The following BRD3 variants were observed in gnomAD, a reference collection of about 807,000 sequenced individuals.
The protein encoded by BRD3 is bromodomain containing 3, also known as bromodomain-containing protein 3.
Under a neutral mutation model 66.8 loss-of-function variants are expected in BRD3, and 17 were observed. That is an observed-to-expected ratio of 0.25 (90% CI 0.17 to 0.38). The LOEUF (loss-of-function observed/expected upper bound fraction) is 0.38. Among genes scored for constraint, BRD3 ranks in the 10% least tolerant of loss-of-function variants. The probability of loss-of-function intolerance (pLI) is 1.00; values close to 1 mark genes in which losing one functional copy is unlikely to be tolerated. For missense variants in BRD3, 713 were observed against 956.1 expected (o/e 0.75, Z 3.35); for synonymous variants, 421 against 393.2 (o/e 1.07, Z -0.84).
chr9:134,067,566 T>C (rs1291790126), intron 1 of BRD3, among the ~76,000 whole-genome samples: 12 of 147,056 alleles, frequency 8.2e-5, no homozygotes, highest in African/African-American at 2.7e-4. Context: ...AAAAAATCCC[T>C]TCCGTGAGGG....
chr9:134,050,458 C>T lies in BRD3; in HGVS notation c.630G>A (p.Ser210=), dbSNP rs779337952. 14 of 1,611,968 alleles carry T rather than the reference C, an allele frequency of 8.7e-6. No homozygotes were observed. Among genetic ancestry groups the T allele is most frequent in the South Asian group, 4.4e-5 (4 of 90,904 alleles). The change falls in exon 5 of 12, where the codon TCG becomes TCA. Residue 210 remains serine (S), a synonymous_variant. Transcript: ENST00000303407. ...GGGCGGCAGCTGGGGGGACTGGGAC[C>T]GACGTGACGTTTGCAGTGATGGTTG... is the stretch of plus-strand genomic sequence containing the variant. The part of the protein sequence containing the change: ...PVPTITANVT[S]VPVPPAAAPP...
intron 1 of BRD3, among the ~76,000 whole-genome samples, chr9:134,065,249 C>A (rs1830626278): frequency 1.3e-5 from 2 of 152,106 alleles, no homozygotes; most frequent in South Asian, 4.1e-4. Context: ...ACAGTGAAAC[C>A]CTGTCTCTAC....
intron 9 of BRD3, among the ~76,000 whole-genome samples, 189 bp downstream of exon 9, chr9:134,039,845 G>C (rs551355393): frequency 6.6e-6 from 1 of 152,176 alleles, no homozygotes; most frequent in East Asian, 1.9e-4. Flanking sequence ...GCAGACAACT[G>C]AGCAGCATCA....
At position 134,041,787 on chromosome 9, in the gene BRD3, G is replaced by A. The variant is rs1402593317; in HGVS notation, c.1380C>T (p.Ala460=). The change falls in exon 8 of 12, where the codon GCC becomes GCT. Residue 460 remains alanine (A), a synonymous_variant. Transcript: ENST00000303407. ...GCTCCTGCAGCTCCGCCAGCCTGGT[G>A]GCCCGCTCCTCCTCCGAGTCCGAGC... The part of the protein sequence containing the change: ...SGSSDSEEER[A]TRLAELQEQL... 3 of 1,611,724 alleles carry A rather than the reference G, an allele frequency of 1.9e-6. No homozygotes were observed. The highest frequency in any genetic ancestry group is 2.2e-5 in the South Asian group (2 of 90,886).
Position 134,048,203 on chromosome 9 carries a change from C to T in BRD3, c.966G>A (p.Met322Ile). ...CGTAGGCCGCGTGCTTCTTGGATAG[C>T]ATCTCCCTGAGGATGCTGTCGCAGT... ...LRYCDSILRE[M>I]LSKKHAAYAW... The change falls in exon 6 of 12, where the codon ATG (methionine) becomes ATA (isoleucine). Residue 322 changes from methionine (M) to isoleucine (I), a missense_variant. Physicochemically the swap from Met to Ile is conservative, Grantham distance 10. Transcript: ENST00000303407. 6.2e-7 allele frequency: 1 copy of T among 1,612,820 alleles called. No homozygotes were observed. The highest frequency in any genetic ancestry group is 8.5e-7 in the Non-Finnish European group (1 of 1,179,866).
chr9:134,034,764 G>A lies in BRD3; in HGVS notation c.2002C>T (p.Leu668=), dbSNP rs767825546. 4.3e-6 allele frequency: 7 copies of A among 1,611,162 alleles called. No individual in the cohort carries two copies. In the East Asian group the frequency reaches 1.1e-4, roughly 26 times the overall value. Residue 668 remains leucine, a synonymous_variant, in exon 11 of 12, where the codon CTG becomes TTG. Transcript: ENST00000303407. ...CTGACATCCTGCAGACGCTTTTCCA[G>A]CTCCTTCTTCTTTTCCTGAGCTAGC... ...EELAQEKKKE[L]EKRLQDVSGQ...
At position 134,036,018 on chromosome 9, in the gene BRD3, C is replaced by A. The variant is rs764459759; in HGVS notation, c.1936+14G>T. The stretch of plus-strand genomic sequence containing the variant: ...GAGGAACTTCAAGCACCACGCTCCA[C>A]GCAGGCAACTTACAGAACGGTTTCC... On this transcript the variant is annotated intron_variant, in intron 10 of 11. Coordinates refer to ENST00000303407, the MANE Select transcript of BRD3 (RefSeq NM_007371.4). 5.1e-6 allele frequency: 8 copies of A among 1,579,800 alleles called. No homozygotes were observed. Among genetic ancestry groups the A allele is most frequent in the Middle Eastern group, 1.7e-4 (1 of 5,880 alleles).
intron 6 of BRD3, among the ~76,000 whole-genome samples, chr9:134,047,286 C>T (rs1051921254): frequency 6.6e-6 from 1 of 152,246 alleles, no homozygotes; most frequent in Non-Finnish European, 1.5e-5. Context: ...TTCCCAGGGC[C>T]GCACGGCAGT....
chr9:134,040,288 C>T lies in BRD3; in HGVS notation c.1408-19G>A, dbSNP rs1047463766. ...CCTTCAGCTGGAAAAGAGCGGGCGGCTGAGCAGGTGCTGGGCACGGCCCAC... is the reference window on the plus strand; with the variant it reads ...CCTTCAGCTGGAAAAGAGCGGGCGGTTGAGCAGGTGCTGGGCACGGCCCAC... On this transcript the variant is annotated intron_variant, in intron 8 of 11. Coordinates refer to ENST00000303407, the MANE Select transcript of BRD3 (RefSeq NM_007371.4). 5 of 1,583,728 alleles carry T rather than the reference C, an allele frequency of 3.2e-6. No individual in the cohort carries two copies. Among genetic ancestry groups the T allele is most frequent in the African/African-American group, 1.3e-5 (1 of 74,528 alleles).
chr9:134,051,862 TGTG>T (rs1830305536), intron 3 of BRD3, among the ~76,000 whole-genome samples, 153 bp from the exon 4 acceptor site: 1 of 113,704 alleles, frequency 8.8e-6, no homozygotes, highest in Admixed American at 8.2e-5. Context: ...TGTGTGTGTG[TGTG>T]TGTGTGTGTG....
intron 5 of BRD3, among the ~76,000 whole-genome samples, chr9:134,050,124 G>A (rs965777290): frequency 2.6e-5 from 4 of 152,210 alleles, no homozygotes; most frequent in Non-Finnish European, 5.9e-5. Flanking sequence ...CAGGGCTTCT[G>A]GCCAGAGAAG....
intron 1 of BRD3, chr9:134,058,386 T>G (rs1477734175): frequency 1.3e-5 from 2 of 152,072 alleles, no homozygotes; most frequent in African/African-American, 4.8e-5. Context: ...ACATTGGGAG[T>G]GTGGCTGGCA....
rs1292235459 is a variant in BRD3, at chr9:134,060,783, C to T, written c.-114+7162G>A. 2.6e-5 allele frequency among the ~76,000 whole-genome samples: 4 copies of T among 152,194 alleles called. No homozygotes were observed. In the East Asian group the frequency reaches 5.8e-4, roughly 22 times the overall value. On this transcript the variant is annotated intron_variant, in intron 1 of 11. Transcript: ENST00000303407. ...GGAATGTTGGTGAGGTGGCCCGAATCCTACCTATCCTCACCCTTGCTGTGT... is the reference window on the plus strand; with the variant it reads ...GGAATGTTGGTGAGGTGGCCCGAATTCTACCTATCCTCACCCTTGCTGTGT...
chr9:134,034,677 T>TGG (rs950058997), intron 11 of BRD3, 24 bp downstream of exon 11: 1 of 1,600,364 alleles, frequency 6.2e-7, no homozygotes, highest in Non-Finnish European at 8.5e-7. Flanking sequence ...TAAAGAGGGG[T>TGG]GGCACAGCGG....
In BRD3 at chr9:134,056,303, A is replaced by ACCAACC. The variant is rs571874651; in HGVS notation, c.-113-2719_-113-2714dup. ...CAGCTCCGCTACCTGGCAGAAACACACCAACCCCAACAAGACCTGGAAGGC... is the reference window on the plus strand; with the variant it reads ...CAGCTCCGCTACCTGGCAGAAACACACCAACCCCAACCCCAACAAGACCTGGAAGGC... On this transcript the variant is annotated intron_variant, in intron 1 of 11. Transcript: ENST00000303407. Among the ~76,000 whole-genome samples, 383 of 152,296 alleles carry ACCAACC rather than the reference A, an allele frequency of 2.5e-3. 2 individuals carry two copies. The highest frequency in any genetic ancestry group is 5.0e-3 in the Admixed American group (76 of 15,302).
intron 2 of BRD3, 146 bp downstream of exon 2, chr9:134,053,119 T>C: frequency 1.1e-6 from 1 of 895,928 alleles, no homozygotes; most frequent in Non-Finnish European, 1.7e-6. Context: ...GCCTCTGTGC[T>C]GTGGACTTCC....
At chr9:134,046,296 G>A (rs1365368410) in intron 6 of BRD3, among the ~76,000 whole-genome samples, 3 of 152,232 alleles carry the variant, frequency 2.0e-5, no homozygotes, top group Non-Finnish European at 2.9e-5. Flanking sequence ...GAGAGGTCAC[G>A]CTGTGCCCGA....
Position 134,032,612 on chromosome 9 carries a change from T to C in BRD3, c.*978A>G. 1 of 230,160 alleles carries C rather than the reference T, an allele frequency of 4.3e-6. No individual in the cohort carries two copies. Among genetic ancestry groups the C allele is most frequent in the Non-Finnish European group, 8.6e-6 (1 of 116,052 alleles). The allele number at this position is 230,160 out of a possible 1,614,324, so 14.3% of individuals were successfully genotyped here. ...CGCCCGGCACACCACTGGCAAGGCC[T>C]GCATCTCTGCGACTGTGTGAATGCA... On this transcript the variant is annotated 3_prime_UTR_variant, in exon 12 of 12. Transcript: ENST00000303407.
rs1197746551 is a variant in BRD3 at position 134,032,745 on chromosome 9, C to G, written c.*845G>C. 1 of 240,732 alleles carries G rather than the reference C, an allele frequency of 4.2e-6. No homozygotes were observed. Among genetic ancestry groups the G allele is most frequent in the African/African-American group, 2.2e-5 (1 of 45,396 alleles). The allele number at this position is 240,732 out of a possible 1,614,324, so 14.9% of individuals were successfully genotyped here. A position where few individuals can be genotyped will look rare whatever the true frequency, so the allele number is the denominator to read the frequency against. ...CTCGGGAAGTGGTTCCCAAGGGTGG[C>G]GCGGCAGCAGCAGCAGGGGCAGCGC... On this transcript the variant is annotated 3_prime_UTR_variant, in exon 12 of 12. Coordinates refer to ENST00000303407, the MANE Select transcript of BRD3 (RefSeq NM_007371.4).
Sources: gnomAD v4.1 joint callset for allele counts (sites outside exome capture counted in the v4.1 genomes callset) on GRCh38, gnomAD v4.1.1 for gene constraint, MANE v1.5 for transcripts, NCBI Gene and HGNC (gene_info 2026-07-23, HGNC 2026-07-21) for gene names.